ALG5: variants seen among roughly 807,000 people sequenced by gnomAD.
ALG5 encodes dolichyl-phosphate beta-glucosyltransferase.
ALG5 carries 26 observed loss-of-function variants against 51.8 expected under a neutral mutation model. That is an observed-to-expected ratio of 0.50 (90% CI 0.37 to 0.70). ALG5 has a LOEUF of 0.70. Among genes scored for constraint, ALG5 ranks in the 30% least tolerant of loss-of-function variants. The pLI is 0.00. For missense variants in ALG5, 311 were observed against 399.3 expected (o/e 0.78, Z 1.88); for synonymous variants, 141 against 136.1 (o/e 1.04, Z -0.25).
At chr13:36,964,400 G>C (rs2058882666) in intron 8 of ALG5, among the ~76,000 whole-genome samples, 1 of 152,184 alleles carries the variant, frequency 6.6e-6, no homozygotes, top group African/African-American at 2.4e-5. Flanking sequence ...GGTAGAGATG[G>C]AGAGAAATGG....
At chr13:36,969,317 G>C (rs2058909944) in intron 7 of ALG5, among the ~76,000 whole-genome samples, 1 of 137,016 alleles carries the variant, frequency 7.3e-6, no homozygotes, top group Non-Finnish European at 1.5e-5. Flanking sequence ...ACTATCTCTT[G>C]CCTATATTAC....
Position 36,999,072 on chromosome 13 carries a change from G to A in ALG5, c.66+163C>T, listed in dbSNP as rs146778935. 4.7e-4 allele frequency: 229 copies of A among 482,142 alleles called. 5 individuals are homozygous for A. The East Asian group carries it at 7.4e-3, about 16-fold the overall frequency. 29.9% of individuals were successfully genotyped at this position (482,142 alleles called of 1,614,324 possible). ...AAAATTAAAGAACCGAAGAAAAGGA[G>A]AGTGAAACTCCAGGAAACTCCGAGG... On this transcript the variant is annotated intron_variant, in intron 1 of 9. Transcript: ENST00000239891.
intron 8 of ALG5, among the ~76,000 whole-genome samples, chr13:36,956,698 CTCTAATACA>C (rs1275325922): frequency 6.6e-6 from 1 of 152,138 alleles, no homozygotes; most frequent in Non-Finnish European, 1.5e-5. Context: ...TCTGTTTTCA[CTCTAATACA>C]TCTTGCAACT....
chr13:36,965,305 A>AAAGGAAAAAAAAGGAAGCCT lies in ALG5; in HGVS notation c.773+269_773+270insAGGCTTCCTTTTTTTTCCTT, dbSNP rs139879453. 5.4e-4 allele frequency among the ~76,000 whole-genome samples: 82 copies of AAAGGAAAAAAAAGGAAGCCT among 151,550 alleles called. 1 individual carries two copies. The Middle Eastern group carries it at 0.017, about 32-fold the overall frequency. On this transcript the variant is annotated intron_variant, in intron 8 of 9. Coordinates refer to ENST00000239891, the MANE Select transcript of ALG5 (RefSeq NM_013338.5). ...TTTCTGAGCTTTTTCTTTTTTCTTCAAAGGAAAAAAAATGTTTTCAGGCCA... is the reference window on the plus strand; with the variant it reads ...TTTCTGAGCTTTTTCTTTTTTCTTCAAAGGAAAAAAAAGGAAGCCTAAGGAAAAAAAATGTTTTCAGGCCA...
chr13:36,974,191 C>A (rs1028193766), intron 6 of ALG5, among the ~76,000 whole-genome samples: 1 of 150,570 alleles, frequency 6.6e-6, no homozygotes, highest in Non-Finnish European at 1.5e-5. Flanking sequence ...CCACACTTTG[C>A]AATTTAAAAA....
chr13:36,951,717 T>C (rs2058818638), intron 9 of ALG5, among the ~76,000 whole-genome samples: 1 of 152,240 alleles, frequency 6.6e-6, no homozygotes, highest in Non-Finnish European at 1.5e-5. Context: ...TTTATACTTT[T>C]GGATATATGT....
intron 8 of ALG5, among the ~76,000 whole-genome samples, chr13:36,953,588 A>T (rs1593655733): frequency 6.6e-6 from 1 of 152,348 alleles, no homozygotes; most frequent in East Asian, 1.9e-4. Context: ...CACAGAGCAC[A>T]GTTCAAACTT....
intron 8 of ALG5, among the ~76,000 whole-genome samples, chr13:36,954,061 A>AT (rs1411591049): frequency 3.7e-5 from 1 of 26,686 alleles, no homozygotes; most frequent in Non-Finnish European, 6.4e-5. Context: ...ATCACCTTAT[A>AT]TTAAAAAAAA....
At chr13:36,963,123 T>A (rs953158841) in intron 8 of ALG5, among the ~76,000 whole-genome samples, 14 of 151,742 alleles carry the variant, frequency 9.2e-5, no homozygotes, top group Non-Finnish European at 1.6e-4. Context: ...ATTAAAAAAA[T>A]TTTTTTTTCT....
intron 5 of ALG5, among the ~76,000 whole-genome samples, chr13:36,986,138 T>C (rs1023854205): frequency 3.9e-5 from 6 of 152,196 alleles, no homozygotes; most frequent in African/African-American, 1.4e-4. Flanking sequence ...AGAACATGTT[T>C]ATAGACAGAT....
Position 36,949,976 on chromosome 13 carries a change from G to A in ALG5, c.941C>T (p.Ala314Val), listed in dbSNP as rs1324078364. ...TTTCCGAGTTTGCTCAAGCCTCCAG[G>A]CACCAGTCAAATATCGAAGTCGTAT... ...LFIRLRYLTG[A>V]WRLEQTRKMN The change falls in exon 10 of 10, where the codon GCC (alanine) becomes GTC (valine). Residue 314 changes from alanine to valine, a missense_variant. Transcript: ENST00000239891. 6.2e-7 allele frequency: 1 copy of A among 1,612,806 alleles called. No homozygotes were observed. The highest frequency in any genetic ancestry group is 1.3e-5 in the African/African-American group (1 of 75,000).
intron 7 of ALG5, chr13:36,967,602 A>T (rs1333724744): frequency 3.5e-6 from 1 of 289,266 alleles, no homozygotes; most frequent in African/African-American, 2.2e-5. Flanking sequence ...ACAAACTTTT[A>T]AAAATGATCT....
At chr13:36,958,721 C>T (rs966694889) in intron 8 of ALG5, among the ~76,000 whole-genome samples, 14 of 152,254 alleles carry the variant, frequency 9.2e-5, no homozygotes, top group East Asian at 1.9e-4. Flanking sequence ...GAAAGGTGAC[C>T]GCATCTACCT....
chr13:36,995,963 GAC>G (rs575436002), intron 1 of ALG5, among the ~76,000 whole-genome samples: 84 of 152,050 alleles, frequency 5.5e-4, no homozygotes, highest in Non-Finnish European at 1.1e-3. Context: ...CATGCATAGA[GAC>G]ACACACACAT....
chr13:36,995,613 A>C lies in ALG5; in HGVS notation c.67-17T>G. 6.3e-7 allele frequency: 1 copy of C among 1,589,700 alleles called. No individual in the cohort carries two copies. The highest frequency in any genetic ancestry group is 8.5e-7 in the Non-Finnish European group (1 of 1,174,214). ...GATGGAAATCTAAAAGCAGACATACATGTCTTTTACAAAACAGAAATTATG... is the reference window on the plus strand; with the variant it reads ...GATGGAAATCTAAAAGCAGACATACCTGTCTTTTACAAAACAGAAATTATG... On this transcript the variant is annotated splice_polypyrimidine_tract_variant and intron_variant, in intron 1 of 9. Coordinates refer to ENST00000239891, the MANE Select transcript of ALG5 (RefSeq NM_013338.5).
intron 6 of ALG5, among the ~76,000 whole-genome samples, chr13:36,980,269 C>G (rs2058973773): frequency 6.6e-6 from 1 of 152,110 alleles, no homozygotes; most frequent in Non-Finnish European, 1.5e-5. Flanking sequence ...GAGTCTCTCT[C>G]TGTTGACCAA....
chr13:36,981,021 G>T (rs537335827), intron 6 of ALG5, among the ~76,000 whole-genome samples: 1 of 152,082 alleles, frequency 6.6e-6, no homozygotes, highest in African/African-American at 2.4e-5. Flanking sequence ...AAATGTAAAT[G>T]CCCTATTTTA....
intron 6 of ALG5, among the ~76,000 whole-genome samples, chr13:36,981,982 T>C (rs2058981770): frequency 2.6e-5 from 4 of 152,040 alleles, no homozygotes; most frequent in African/African-American, 9.7e-5. Context: ...TCCCAGCTAC[T>C]GGGGAGGCTG....
intron 5 of ALG5, among the ~76,000 whole-genome samples, chr13:36,987,222 A>G (rs2059005866): frequency 6.6e-6 from 1 of 152,084 alleles, no homozygotes; most frequent in African/African-American, 2.4e-5. Flanking sequence ...CTCAAACTCA[A>G]CATAACTGCC....
Sources: gnomAD v4.1 joint callset for allele counts (sites outside exome capture counted in the v4.1 genomes callset) on GRCh38, gnomAD v4.1.1 for gene constraint, MANE v1.5 for transcripts, NCBI Gene and HGNC (gene_info 2026-07-23, HGNC 2026-07-21) for gene names.